NFAT5: variants seen among roughly 807,000 people sequenced by gnomAD.
The protein encoded by NFAT5 is nuclear factor of activated T cells 5.
A neutral mutation model predicts 166.5 loss-of-function variants in NFAT5; 31 were observed. That is an observed-to-expected ratio of 0.19 (90% confidence interval 0.14 to 0.25). The LOEUF is 0.25. NFAT5 is among the 10% of genes least tolerant of loss of function. NFAT5 has a pLI of 1.00. For synonymous variants in NFAT5, 612 were observed against 639.7 expected, an observed-to-expected ratio of 0.96 and a Z score of 0.65; for missense variants, 1,449 against 1,821.8, an observed-to-expected ratio of 0.80 and a Z score of 3.72.
chr16:69,686,635 G>A (rs940000414), intron 11 of NFAT5, among the ~76,000 whole-genome samples: 1 of 152,034 alleles, frequency 6.6e-6, no homozygotes, highest in Non-Finnish European at 1.5e-5. Context: ...GGGCTGAGGT[G>A]ATTGGATCAC....
At chr16:69,571,870 C>T (rs1042317681) in intron 2 of NFAT5, among the ~76,000 whole-genome samples, 4 of 152,114 alleles carry the variant, frequency 2.6e-5, no homozygotes, top group Non-Finnish European at 5.9e-5. Flanking sequence ...CGCCATTCTC[C>T]TGCCTCAGCC....
At chr16:69,676,865 C>T (rs2036851796) in intron 9 of NFAT5, 1 of 189,240 alleles carries the variant, frequency 5.3e-6, no homozygotes, top group Non-Finnish European at 1.1e-5. Context: ...AAGAGAATAA[C>T]AAGTATAGAG....
At chr16:69,656,598 A>G (rs995637330) in intron 6 of NFAT5, among the ~76,000 whole-genome samples, 4 of 151,930 alleles carry the variant, frequency 2.6e-5, no homozygotes, top group South Asian at 2.1e-4. Flanking sequence ...GATTACAGGC[A>G]TCTGCCACCA....
chr16:69,703,884 T>A lies in NFAT5; in HGVS notation c.*7533T>A, dbSNP rs1264320452. 1.3e-5 allele frequency: 2 copies of A among 152,674 alleles called. No individual in the cohort carries two copies. 9.5% of individuals were successfully genotyped at this position (152,674 alleles called of 1,614,324 possible). On this transcript the variant is annotated 3_prime_UTR_variant, in exon 15 of 15. Transcript: ENST00000349945. ...GTTTAACCATATGACCCTGCTTGCT[T>A]ACTCATATTCTCCCTCCCTCTCCCC...
chr16:69,701,265 T>G lies in NFAT5; in HGVS notation c.*4914T>G, dbSNP rs1477537085. The G allele has an allele frequency of 6.6e-6, 1 of 152,466 alleles. No homozygotes were observed. The highest frequency in any genetic ancestry group is 2.4e-5 in the African/African-American group (1 of 41,424). 9.4% of individuals were successfully genotyped at this position (152,466 alleles called of 1,614,324 possible). ...ACATCCGGCCTAATTACTTCTTTAA[T>G]CCCCATTTATTTTTATGCCATTCTA... On this transcript the variant is annotated 3_prime_UTR_variant, in exon 15 of 15. Transcript: ENST00000349945.
rs60161117 is a variant in NFAT5 at position 69,663,564 on chromosome 16, TA to T, written c.1369+3688del. On this transcript the variant is annotated intron_variant, in intron 7 of 14. Coordinates refer to ENST00000349945, the MANE Select transcript of NFAT5 (RefSeq NM_138713.4). Reference sequence around the variant, plus strand: ...AGCCTGGGATTCAAACCCATCTCTTTAAAAAAAAAAAAAAAAAAAAAAAGGC... The same window carrying T: ...AGCCTGGGATTCAAACCCATCTCTTTAAAAAAAAAAAAAAAAAAAAAAGGC... Among the ~76,000 whole-genome samples the T allele has an allele frequency of 6.2e-3, 567 of 92,000 alleles. 5 individuals are homozygous for T. The highest frequency in any genetic ancestry group is 0.012 in the African/African-American group (288 of 24,644). 60.4% of individuals were successfully genotyped at this position (92,000 alleles called of 152,430 possible).
chr16:69,582,701 T>C (rs1444748071), intron 2 of NFAT5, among the ~76,000 whole-genome samples: 1 of 151,262 alleles, frequency 6.6e-6, no homozygotes, highest in Non-Finnish European at 1.5e-5. Flanking sequence ...TCTTCTGGAC[T>C]CTCAGTTCTA....
At chr16:69,589,200 G>T (rs1344421165) in intron 2 of NFAT5, among the ~76,000 whole-genome samples, 3 of 151,320 alleles carry the variant, frequency 2.0e-5, no homozygotes, top group Admixed American at 2.0e-4. Context: ...CTCCATGTTG[G>T]TCAGGCTGGT....
intron 3 of NFAT5, among the ~76,000 whole-genome samples, chr16:69,628,124 C>T (rs891904872): frequency 6.6e-6 from 1 of 151,726 alleles, no homozygotes; most frequent in Non-Finnish European, 1.5e-5. Flanking sequence ...AGAAAAAGAA[C>T]AGTTCTTCCT....
At chr16:69,608,495 G>A (rs886493922) in intron 2 of NFAT5, among the ~76,000 whole-genome samples, 9 of 152,130 alleles carry the variant, frequency 5.9e-5, no homozygotes, top group Admixed American at 1.3e-4. Context: ...GGTGGCTCAC[G>A]CCTGTAATCC....
At chr16:69,605,678 CTT>C (rs1335138311) in intron 2 of NFAT5, among the ~76,000 whole-genome samples, 1 of 151,500 alleles carries the variant, frequency 6.6e-6, no homozygotes, top group African/African-American at 2.4e-5. Flanking sequence ...CTTTAAGAGT[CTT>C]TTAAGTTCTG....
chr16:69,647,462 G>A lies in NFAT5; in HGVS notation c.688G>A (p.Val230Ile), dbSNP rs1030261470. The change falls in exon 4 of 15, where the codon GTC becomes ATC. Residue 230 changes from valine (V) to isoleucine (I), a missense_variant. Transcript: ENST00000349945. The surrounding 1 kb of genome is among the most constrained non-coding windows in gnomAD (Gnocchi z 4.8). ...RKRNPKQRPG[V>I]KRRDCEESNM... ...ACGAAATCCAAAGCAGAGGCCGGGG[G>A]TCAAACGACGAGATTGTGAAGAATC... 3 of 1,613,844 alleles carry A rather than the reference G, an allele frequency of 1.9e-6. No individual in the cohort carries two copies. Among genetic ancestry groups the A allele is most frequent in the African/African-American group, 2.7e-5 (2 of 74,922 alleles).
intron 3 of NFAT5, among the ~76,000 whole-genome samples, chr16:69,627,098 T>C (rs888591343): frequency 4.4e-4 from 67 of 151,768 alleles, no homozygotes; most frequent in Admixed American, 2.9e-3. Flanking sequence ...TAGAAAGTAA[T>C]GTTTGAAATT....
At chr16:69,628,560 C>G (rs2034567840) in intron 3 of NFAT5, among the ~76,000 whole-genome samples, 1 of 152,078 alleles carries the variant, frequency 6.6e-6, no homozygotes, top group African/African-American at 2.4e-5. Flanking sequence ...CCATTATAAA[C>G]AAGAGAGTTT....
Position 69,572,839 on chromosome 16 carries a change from T to TATTA in NFAT5, c.127+4294_127+4295insAATT, listed in dbSNP as rs536572752. On this transcript the variant is annotated intron_variant, in intron 2 of 14. Transcript: ENST00000349945. Reference sequence around the variant, plus strand: ...CTGATCTGATATAATCTTTGTTATTTATTTATTTATTTATTTATTTTTGAT... The same window carrying TATTA: ...CTGATCTGATATAATCTTTGTTATTTATTAATTTATTTATTTATTTATTTTTGAT... Among the ~76,000 whole-genome samples, 34 of 152,106 alleles carry TATTA rather than the reference T, an allele frequency of 2.2e-4. 1 individual carries two copies. Among genetic ancestry groups the TATTA allele is most frequent in the Non-Finnish European group, 4.3e-4 (29 of 68,002 alleles).
chr16:69,586,024 A>G (rs2032040425), intron 2 of NFAT5, among the ~76,000 whole-genome samples: 1 of 152,052 alleles, frequency 6.6e-6, no homozygotes, highest in Non-Finnish European at 1.5e-5. Flanking sequence ...TGTATAATTT[A>G]CTGCAATTAA....
chr16:69,588,998 TTTTTTTTTTTTTTG>T, intron 2 of NFAT5, among the ~76,000 whole-genome samples: 1 of 141,210 alleles, frequency 7.1e-6, no homozygotes, highest in Admixed American at 7.0e-5. Context: ...TTTTTTTTTT[TTTTTTTTTTTTTTG>T]AGATGGAGTT....
At chr16:69,685,748 C>A (rs1309636025) in intron 11 of NFAT5, 4 of 151,950 alleles carry the variant, frequency 2.6e-5, no homozygotes, top group Admixed American at 2.6e-4. Context: ...CTTGTCTCTA[C>A]AAAAAAATTA....
intron 2 of NFAT5, among the ~76,000 whole-genome samples, chr16:69,589,728 A>G (rs944481720): frequency 1.1e-4 from 16 of 151,578 alleles, no homozygotes; most frequent in African/African-American, 3.9e-4. Context: ...AAAAAGAGAA[A>G]TCCTCATTTT....
Sources: gnomAD v4.1 joint callset for allele counts (sites outside exome capture counted in the v4.1 genomes callset) on GRCh38, gnomAD v4.1.1 for gene constraint, Gnocchi (gnomAD v3.1) non-coding constraint, MANE v1.5 for transcripts, NCBI Gene and HGNC (gene_info 2026-07-23, HGNC 2026-07-21) for gene names.